The following ANO2 variants were observed in gnomAD, a reference collection of about 807,000 sequenced individuals.
ANO2 encodes anoctamin-2.
A neutral mutation model predicts 124.2 loss-of-function variants in ANO2; 101 were observed. That is an observed-to-expected ratio of 0.81 (90% CI 0.69 to 0.96). The LOEUF (loss-of-function observed/expected upper bound fraction) is 0.96. Among genes scored for constraint, ANO2 ranks in the 40% least tolerant of loss-of-function variants. The probability of loss-of-function intolerance (pLI) is 0.00; values close to 1 mark genes in which losing one functional copy is unlikely to be tolerated. For missense variants in ANO2, 1,293 were observed against 1,274.5 expected (o/e 1.01, Z -0.22); for synonymous variants, 486 against 482.5 (o/e 1.01, Z -0.09).
rs542297624 is a variant in ANO2 at position 5,647,413 on chromosome 12, G to A, written c.1620+314C>T. On this transcript the variant is annotated intron_variant, in intron 15 of 24. Coordinates refer to ENST00000682330, the MANE Select transcript of ANO2 (RefSeq NM_001364791.2). ...TCCAGACCCTGGTCTATCCACAAAC[G>A]TCAGAGAGGGCCACCCCACAGCCCA... is the stretch of plus-strand genomic sequence containing the variant. 1.1e-4 allele frequency among the ~76,000 whole-genome samples: 16 copies of A among 152,294 alleles called. No individual in the cohort carries two copies. In the South Asian group the frequency reaches 2.7e-3, roughly 26 times the overall value.
rs756831979 is a variant in ANO2 at position 5,921,356 on chromosome 12, T to C, written c.218A>G (p.Asn73Ser). The part of the protein sequence containing the change: ...ESTRSSSVIN[N>S]YLDANEPVSL... ...CACAGGCTCATTGGCATCCAGATAG[T>C]TGTTGATGACCTGGCCAGAGAGAGA... The change falls in exon 3 of 25, where the codon AAC becomes AGC. Residue 73 changes from asparagine (N) to serine (S), a missense_variant. Asn to Ser is a conservative substitution (Grantham distance 46). Coordinates refer to ENST00000682330, the MANE Select transcript of ANO2 (RefSeq NM_001364791.2). The C allele has an allele frequency of 1.9e-6, 3 of 1,613,436 alleles. No individual in the cohort carries two copies. The highest frequency in any genetic ancestry group is 1.7e-5 in the Admixed American group (1 of 60,006).
At chr12:5,911,676 G>A (rs749701078) in intron 3 of ANO2, among the ~76,000 whole-genome samples, 1 of 152,192 alleles carries the variant, frequency 6.6e-6, no homozygotes, top group Non-Finnish European at 1.5e-5. Flanking sequence ...AACTTTGCTA[G>A]GAGGAAGACA....
chr12:5,714,389 G>A (rs927786530), intron 14 of ANO2, among the ~76,000 whole-genome samples: 10 of 152,180 alleles, frequency 6.6e-5, no homozygotes, highest in Admixed American at 3.9e-4. Flanking sequence ...AACTAAGGCC[G>A]TGGCAGGTTA....
intron 10 of ANO2, among the ~76,000 whole-genome samples, chr12:5,788,271 C>T (rs974342788): frequency 7.2e-5 from 11 of 152,210 alleles, no homozygotes; most frequent in African/African-American, 2.7e-4. Flanking sequence ...GACACATGAA[C>T]ACAATACAGA....
At chr12:5,649,274 G>A (rs1257772048) in intron 14 of ANO2, among the ~76,000 whole-genome samples, 1 of 152,188 alleles carries the variant, frequency 6.6e-6, no homozygotes, top group African/African-American at 2.4e-5. Flanking sequence ...AGAAATGAGT[G>A]TTATAGCTGA....
intron 3 of ANO2, among the ~76,000 whole-genome samples, chr12:5,863,121 C>T (rs557809946): frequency 5.9e-5 from 9 of 152,186 alleles, no homozygotes; most frequent in Middle Eastern, 6.8e-3. Context: ...TCCATTAAAC[C>T]TCTTTTTCTT....
intron 14 of ANO2, among the ~76,000 whole-genome samples, chr12:5,671,504 G>C (rs1399597153): frequency 6.6e-6 from 1 of 151,864 alleles, no homozygotes; most frequent in East Asian, 1.9e-4. Context: ...GGGGTGGCGG[G>C]GGGGAGTGGC....
intron 3 of ANO2, among the ~76,000 whole-genome samples, chr12:5,909,335 T>C (rs575074717): frequency 1.3e-5 from 2 of 152,164 alleles, no homozygotes; most frequent in Admixed American, 1.3e-4. Flanking sequence ...CAACTGTAAA[T>C]TGAGAAAACT....
chr12:5,721,507 T>TTTG lies in ANO2; in HGVS notation c.1545+11012_1545+11013insCAA, dbSNP rs1555146206. ...TTGGTTTTTGGTTTTGGGTTTTTTT[T>TTTG]TTTTGTTTTTTTTTAAGAGGCAGAG... On this transcript the variant is annotated intron_variant, in intron 14 of 24. Transcript: ENST00000682330. Among the ~76,000 whole-genome samples, 151 of 142,028 alleles carry TTTG rather than the reference T, an allele frequency of 1.1e-3. 1 individual carries two copies. The highest frequency in any genetic ancestry group is 3.8e-3 in the African/African-American group (145 of 38,184). The allele number at this position is 142,028 out of a possible 152,430, so 93.2% of individuals were successfully genotyped here.
chr12:5,916,510 A>AAAAAAAAAAAAAAAG (rs1941386009), intron 3 of ANO2, among the ~76,000 whole-genome samples: 1 of 150,984 alleles, frequency 6.6e-6, no homozygotes, highest in Non-Finnish European at 1.5e-5. Flanking sequence ...AAAAAAAAAA[A>AAAAAAAAAAAAAAAG]AAAGGCAGCA....
intron 13 of ANO2, among the ~76,000 whole-genome samples, chr12:5,736,661 T>C (rs948857826): frequency 2.6e-5 from 4 of 152,188 alleles, no homozygotes; most frequent in African/African-American, 9.7e-5. Flanking sequence ...CTTGTTATCC[T>C]GATCTTCATG....
At chr12:5,874,156 C>G (rs117978726) in intron 3 of ANO2, among the ~76,000 whole-genome samples, 1 of 152,202 alleles carries the variant, frequency 6.6e-6, no homozygotes, top group Non-Finnish European at 1.5e-5. Context: ...GACCAGGAGG[C>G]TGACAGCTAC....
At chr12:5,592,983 C>T (rs980266104) in intron 20 of ANO2, among the ~76,000 whole-genome samples, 5 of 152,154 alleles carry the variant, frequency 3.3e-5, no homozygotes, top group African/African-American at 9.7e-5. Flanking sequence ...TTCCTTGACA[C>T]GGTGATTTCT....
At chr12:5,755,826 A>G (rs913883225) in intron 10 of ANO2, among the ~76,000 whole-genome samples, 4 of 152,210 alleles carry the variant, frequency 2.6e-5, no homozygotes, top group African/African-American at 7.2e-5. Flanking sequence ...AAGGTGACTC[A>G]GTGTTAACCT....
intron 10 of ANO2, among the ~76,000 whole-genome samples, chr12:5,790,197 C>T (rs976386537): frequency 6.6e-6 from 1 of 152,316 alleles, no homozygotes; most frequent in South Asian, 2.1e-4. Flanking sequence ...TCTGCAGGGG[C>T]TGAATGACCT....
chr12:5,617,676 T>TA, intron 16 of ANO2, among the ~76,000 whole-genome samples: 2 of 152,158 alleles, frequency 1.3e-5, no homozygotes, highest in South Asian at 4.2e-4. Flanking sequence ...GATTACGTCG[T>TA]ACCGCACTCT....
intron 16 of ANO2, among the ~76,000 whole-genome samples, chr12:5,633,748 C>T (rs1945856752): frequency 6.6e-6 from 1 of 152,164 alleles, no homozygotes; most frequent in African/African-American, 2.4e-5. Context: ...AGCTCCTGTT[C>T]CACTGGTGTT....
chr12:5,877,864 T>A (rs892893531), intron 3 of ANO2, among the ~76,000 whole-genome samples: 2 of 152,218 alleles, frequency 1.3e-5, no homozygotes, highest in Non-Finnish European at 2.9e-5. Flanking sequence ...GAGAATCGAA[T>A]GCCGCCGCTG....
intron 20 of ANO2, among the ~76,000 whole-genome samples, chr12:5,584,531 G>C (rs2136856391): frequency 6.6e-6 from 1 of 152,308 alleles, no homozygotes; most frequent in Middle Eastern, 3.4e-3. Flanking sequence ...TCTCACTCAG[G>C]AGGCAGTAAG....
Sources: allele counts gnomAD v4.1 joint callset (sites outside exome capture counted in the v4.1 genomes callset), GRCh38; gene constraint gnomAD v4.1.1; transcripts MANE v1.5; gene names NCBI Gene and HGNC (gene_info 2026-07-23, HGNC 2026-07-21).